PLXDC2: variants seen among roughly 807,000 people sequenced by gnomAD.
PLXDC2 encodes plexin domain containing 2.
PLXDC2 carries 40 observed loss-of-function variants against 68.9 expected under a neutral mutation model. That is an observed-to-expected ratio of 0.58 (90% CI 0.45 to 0.76). The LOEUF (loss-of-function observed/expected upper bound fraction) is 0.76, where lower values mean the gene tolerates loss of function less well. Among genes scored for constraint, PLXDC2 ranks in the 30% least tolerant of loss-of-function variants. PLXDC2 has a pLI of 0.00. For synonymous variants in PLXDC2, 243 were observed against 234.2 expected, an observed-to-expected ratio of 1.04 and a Z score of -0.34; for missense variants, 644 against 661.9, an observed-to-expected ratio of 0.97 and a Z score of 0.30.
At chr10:19,930,040 A>AT (rs59588282) in intron 1 of PLXDC2, among the ~76,000 whole-genome samples, 22,930 of 150,170 alleles carry the variant, frequency 0.15, 2,233 homozygotes, top group East Asian at 0.28. Context: ...TCATTTATTC[A>AT]TTTTTTTTTC....
At chr10:20,154,046 A>G (rs951022634) in intron 6 of PLXDC2, among the ~76,000 whole-genome samples, 1 of 152,102 alleles carries the variant, frequency 6.6e-6, no homozygotes, top group African/African-American at 2.4e-5. Context: ...GAACCTGTAC[A>G]TAGGCCAAAA....
intron 1 of PLXDC2, among the ~76,000 whole-genome samples, chr10:19,896,986 A>T (rs1305261859): frequency 1.3e-5 from 2 of 152,122 alleles, no homozygotes; most frequent in Non-Finnish European, 2.9e-5. Flanking sequence ...CCCTATTAAA[A>T]CATAACTTCC....
chr10:19,979,735 C>T (rs1391015895), intron 1 of PLXDC2, among the ~76,000 whole-genome samples: 2 of 152,174 alleles, frequency 1.3e-5, no homozygotes, highest in Non-Finnish European at 2.9e-5. Context: ...CTGCTTTAGA[C>T]TCTCTAAAGG....
chr10:20,225,807 G>C (rs1333638397), intron 12 of PLXDC2, among the ~76,000 whole-genome samples: 1 of 143,062 alleles, frequency 7.0e-6, no homozygotes, highest in African/African-American at 3.0e-5. Context: ...TGGAACCTGA[G>C]CACCAATTTT....
At chr10:19,890,530 T>TC (rs911764757) in intron 1 of PLXDC2, among the ~76,000 whole-genome samples, 4 of 145,070 alleles carry the variant, frequency 2.8e-5, no homozygotes, top group African/African-American at 1.0e-4. Flanking sequence ...GCTTTTTTTT[T>TC]TCTGAGACGG....
At chr10:20,032,184 A>C (rs192045161) in intron 2 of PLXDC2, among the ~76,000 whole-genome samples, 1 of 152,330 alleles carries the variant, frequency 6.6e-6, no homozygotes, top group South Asian at 2.1e-4. Context: ...ATGATGAACA[A>C]TGTTTTAAAG....
At chr10:19,841,192 G>C (rs1292672929) in intron 1 of PLXDC2, among the ~76,000 whole-genome samples, 1 of 152,134 alleles carries the variant, frequency 6.6e-6, no homozygotes, top group Non-Finnish European at 1.5e-5. Context: ...ACAGATGGAG[G>C]CTTGTTTCTT....
chr10:19,979,221 G>A (rs1221015639), intron 1 of PLXDC2, among the ~76,000 whole-genome samples: 1 of 152,128 alleles, frequency 6.6e-6, no homozygotes, highest in African/African-American at 2.4e-5. Flanking sequence ...GGAGATTAAA[G>A]CCAATTTTGT....
At chr10:20,270,235 T>C (rs1414540418) in intron 13 of PLXDC2, among the ~76,000 whole-genome samples, 4 of 152,188 alleles carry the variant, frequency 2.6e-5, no homozygotes, top group African/African-American at 9.6e-5. Flanking sequence ...AGGAGCCATG[T>C]GAAGGAAGAG....
At chr10:20,042,886 A>G (rs913306212) in intron 2 of PLXDC2, among the ~76,000 whole-genome samples, 13 of 152,274 alleles carry the variant, frequency 8.5e-5, no homozygotes, top group Admixed American at 2.0e-4. Flanking sequence ...ACGATTTAAT[A>G]CCACACATGG....
intron 1 of PLXDC2, among the ~76,000 whole-genome samples, chr10:19,846,101 C>T (rs867464980): frequency 6.6e-6 from 1 of 152,144 alleles, no homozygotes; most frequent in Admixed American, 6.5e-5. Flanking sequence ...CAAAGCTGCA[C>T]TCAAAGATTG....
chr10:19,835,133 A>G (rs1195380946), intron 1 of PLXDC2, among the ~76,000 whole-genome samples: 3 of 152,184 alleles, frequency 2.0e-5, no homozygotes, highest in Non-Finnish European at 4.4e-5. Flanking sequence ...CAAGATTAGG[A>G]AGGGCCTTGC....
chr10:20,107,105 A>G (rs1385109588), intron 4 of PLXDC2, among the ~76,000 whole-genome samples: 4 of 149,214 alleles, frequency 2.7e-5, no homozygotes, highest in Non-Finnish European at 5.9e-5. Flanking sequence ...TATATACTAT[A>G]GTATATATCT....
At chr10:20,116,044 A>G (rs527453913) in intron 4 of PLXDC2, among the ~76,000 whole-genome samples, 79 of 152,356 alleles carry the variant, frequency 5.2e-4, no homozygotes, top group Admixed American at 1.8e-3. Context: ...AACCAGTTAC[A>G]CAAAAGTGTG....
At chr10:20,253,210 C>A (rs1250542340) in intron 13 of PLXDC2, among the ~76,000 whole-genome samples, 1 of 151,512 alleles carries the variant, frequency 6.6e-6, no homozygotes, top group Non-Finnish European at 1.5e-5. Flanking sequence ...ACTAAAAATA[C>A]AAAAATTAGA....
chr10:20,141,983 T>A (rs770239744), intron 4 of PLXDC2, among the ~76,000 whole-genome samples: 16 of 152,092 alleles, frequency 1.1e-4, no homozygotes, highest in Middle Eastern at 3.4e-3. Context: ...TAGCTAGAGT[T>A]CAATTATGCT....
At chr10:20,220,083 A>C (rs952808857) in intron 12 of PLXDC2, among the ~76,000 whole-genome samples, 4 of 152,222 alleles carry the variant, frequency 2.6e-5, no homozygotes, top group Non-Finnish European at 5.9e-5. Context: ...TAGCCTGTTC[A>C]TAAATACCAT....
At chr10:19,984,715 T>A (rs1039627150) in intron 1 of PLXDC2, among the ~76,000 whole-genome samples, 10 of 152,212 alleles carry the variant, frequency 6.6e-5, no homozygotes, top group African/African-American at 2.4e-4. Flanking sequence ...TTCAGTGTTT[T>A]ACTGACAACA....
At chr10:19,820,309 A>G (rs1836439490) in intron 1 of PLXDC2, among the ~76,000 whole-genome samples, 1 of 152,190 alleles carries the variant, frequency 6.6e-6, no homozygotes, top group African/African-American at 2.4e-5. Flanking sequence ...TCTTCACTGT[A>G]AGCATCAGAT....
Sources: gnomAD v4.1 joint callset for allele counts (sites outside exome capture counted in the v4.1 genomes callset) on GRCh38, gnomAD v4.1.1 for gene constraint, MANE v1.5 for transcripts, NCBI Gene and HGNC (gene_info 2026-07-23, HGNC 2026-07-21) for gene names.